ADAMTSL1: variants seen among roughly 807,000 people sequenced by gnomAD.
The protein encoded by ADAMTSL1 is ADAMTS like 1, also known as ADAMTS-like protein 1.
ADAMTSL1 carries 126 observed loss-of-function variants against 201.8 expected under a neutral mutation model. The ratio of observed to expected loss-of-function variants is 0.62; its 90% confidence interval spans 0.54 to 0.72. ADAMTSL1 has a LOEUF of 0.72. ADAMTSL1 is among the 30% of genes least tolerant of loss of function. ADAMTSL1 has a pLI of 0.00. For missense variants in ADAMTSL1, 2,679 were observed against 2,277.8 expected (o/e 1.18, Z -3.59); for synonymous variants, 1,121 against 903.4 (o/e 1.24, Z -4.32).
chr9:18,491,618 C>T (rs193238980), intron 1 of ADAMTSL1, among the ~76,000 whole-genome samples: 38 of 152,252 alleles, frequency 2.5e-4, no homozygotes, highest in Admixed American at 2.0e-3. Flanking sequence ...GCAGATGGCT[C>T]CTTAACATGA....
At chr9:18,114,378 T>C (rs1825161364) in intron 1 of ADAMTSL1, among the ~76,000 whole-genome samples, 1 of 152,172 alleles carries the variant, frequency 6.6e-6, no homozygotes, top group Admixed American at 6.6e-5. Flanking sequence ...GAGTTTGTGC[T>C]GCATATACCA....
intron 9 of ADAMTSL1, among the ~76,000 whole-genome samples, chr9:18,671,748 C>A (rs1056766240): frequency 1.3e-5 from 2 of 151,862 alleles, no homozygotes. Flanking sequence ...GGTTCATTTT[C>A]ATTATAAAAA....
In ADAMTSL1 at chr9:18,418,452, G is replaced by T. The variant is rs149759253; in HGVS notation, c.208-86377G>T. Among the ~76,000 whole-genome samples, 599 of 152,262 alleles carry T rather than the reference G, an allele frequency of 3.9e-3. 2 individuals are homozygous for T. Among genetic ancestry groups the T allele is most frequent in the Middle Eastern group, 0.02 (6 of 294 alleles). On this transcript the variant is annotated intron_variant, in intron 2 of 29. Transcript: ENST00000680146. ...ATTTGCATAATACACAGTTTTGATT[G>T]TCTATGTAGAACATCCCAAGGAATC...
intron 2 of ADAMTSL1, among the ~76,000 whole-genome samples, chr9:18,344,818 A>T (rs924943190): frequency 6.6e-6 from 1 of 152,132 alleles, no homozygotes; most frequent in African/African-American, 2.4e-5. Flanking sequence ...ACATGCTTGA[A>T]AACTAACATT....
intron 4 of ADAMTSL1, among the ~76,000 whole-genome samples, chr9:18,576,355 G>C (rs1353913451): frequency 6.6e-6 from 1 of 152,182 alleles, no homozygotes; most frequent in Non-Finnish European, 1.5e-5. Context: ...GTTTGGGAGA[G>C]AAACATGGAG....
chr9:18,488,721 C>T (rs980823948), intron 1 of ADAMTSL1, among the ~76,000 whole-genome samples: 1 of 152,178 alleles, frequency 6.6e-6, no homozygotes, highest in African/African-American at 2.4e-5. Context: ...AATTATTACT[C>T]TCTCCCTGCA....
intron 2 of ADAMTSL1, among the ~76,000 whole-genome samples, chr9:18,410,608 C>G (rs1187444126): frequency 6.6e-6 from 1 of 152,120 alleles, no homozygotes; most frequent in Non-Finnish European, 1.5e-5. Context: ...ACCACATTTT[C>G]TTTATTCTAT....
At position 17,962,045 on chromosome 9, in the gene ADAMTSL1, G is replaced by GAA. The variant is rs949545608; in HGVS notation, c.87+55128_87+55129dup. Among the ~76,000 whole-genome samples, 32 of 152,072 alleles carry GAA rather than the reference G, an allele frequency of 2.1e-4. 1 individual carries two copies. The highest frequency in any genetic ancestry group is 7.7e-4 in the African/African-American group (32 of 41,444). On this transcript the variant is annotated intron_variant, in intron 1 of 29. Coordinates refer to the ADAMTSL1 transcript ENST00000680146. ...ATCTTTACTATCGAGATGAGAAAAA[G>GAA]AAAAAAGAGTTGCTTAGAGGTTGAA...
intron 2 of ADAMTSL1, among the ~76,000 whole-genome samples, chr9:18,251,563 G>C (rs1265939688): frequency 6.6e-6 from 1 of 152,128 alleles, no homozygotes; most frequent in Admixed American, 6.5e-5. Context: ...TTTTCTATTA[G>C]AGTATCAATT....
chr9:18,099,326 A>AATATAT lies in ADAMTSL1; in HGVS notation c.88-64511_88-64506dup, dbSNP rs71333027. The stretch of plus-strand genomic sequence containing the variant: ...TGTTTTTGCTTTGCTGCAAATGGAA[A>AATATAT]ATATATATATATATATATATATATA... On this transcript the variant is annotated intron_variant, in intron 1 of 29. Transcript: ENST00000680146. 3.8e-4 allele frequency among the ~76,000 whole-genome samples: 22 copies of AATATAT among 57,584 alleles called. No individual in the cohort carries two copies. The East Asian group carries it at 6.1e-3, about 16-fold the overall frequency. The allele number at this position is 57,584 out of a possible 152,430, so 37.8% of individuals were successfully genotyped here. A position where few individuals can be genotyped will look rare whatever the true frequency, so the allele number is the denominator to read the frequency against.
chr9:18,507,811 T>C (rs1817776953), intron 2 of ADAMTSL1, among the ~76,000 whole-genome samples: 1 of 152,186 alleles, frequency 6.6e-6, no homozygotes, highest in Non-Finnish European at 1.5e-5. Context: ...GAACTCACCC[T>C]GGCAGGGGCC....
rs1026577159 is a variant in ADAMTSL1, at chr9:18,904,688, A to T, written c.4852-1094A>T. ...AAAAAAAAAAGGTCCGTTTATGTGT[A>T]TTTTACGATTTAAAAAAAATCCCAG... is the stretch of plus-strand genomic sequence containing the variant. On this transcript the variant is annotated intron_variant, in intron 26 of 28. Coordinates refer to ENST00000380548, the MANE Select transcript of ADAMTSL1 (RefSeq NM_001040272.6). Among the ~76,000 whole-genome samples, 6 of 90,664 alleles carry T rather than the reference A, an allele frequency of 6.6e-5. 1 individual carries two copies. The highest frequency in any genetic ancestry group is 1.2e-4 in the African/African-American group (3 of 25,842). The allele number at this position is 90,664 out of a possible 152,430, so 59.5% of individuals were successfully genotyped here.
intron 15 of ADAMTSL1, among the ~76,000 whole-genome samples, chr9:18,743,724 T>A (rs1482326921): frequency 6.6e-6 from 1 of 152,212 alleles, no homozygotes; most frequent in Non-Finnish European, 1.5e-5. Flanking sequence ...CATGGTGTGA[T>A]TTATCATACA....
intron 2 of ADAMTSL1, among the ~76,000 whole-genome samples, chr9:18,198,957 C>T (rs1328588959): frequency 4.2e-5 from 6 of 141,622 alleles, no homozygotes; most frequent in Admixed American, 7.5e-5. Flanking sequence ...ATGTCCTTTG[C>T]AGGGACATGG....
intron 15 of ADAMTSL1, among the ~76,000 whole-genome samples, chr9:18,749,480 T>G (rs10756986): frequency 1.2e-3 from 188 of 151,934 alleles, no homozygotes; most frequent in African/African-American, 4.4e-3. Context: ...CTAGACCAGA[T>G]CCCCTGTCCT....
chr9:18,373,621 CGG>C (rs1837152108), intron 2 of ADAMTSL1, among the ~76,000 whole-genome samples: 1 of 147,870 alleles, frequency 6.8e-6, no homozygotes, highest in African/African-American at 2.5e-5. Flanking sequence ...CTAAACCCAA[CGG>C]AGATTTTGGA....
intron 1 of ADAMTSL1, among the ~76,000 whole-genome samples, chr9:18,008,740 T>C (rs62553119): frequency 6.6e-6 from 1 of 151,826 alleles, no homozygotes; most frequent in African/African-American, 2.4e-5. Flanking sequence ...TGCTTAGAAC[T>C]CATGGCCATC....
intron 2 of ADAMTSL1, among the ~76,000 whole-genome samples, chr9:18,226,157 G>A (rs1376509663): frequency 6.6e-6 from 1 of 152,102 alleles, no homozygotes; most frequent in Non-Finnish European, 1.5e-5. Flanking sequence ...TTGAGGTAAT[G>A]TAATTAATTG....
chr9:17,920,192 C>A (rs1007105559), intron 1 of ADAMTSL1, among the ~76,000 whole-genome samples: 5 of 152,150 alleles, frequency 3.3e-5, no homozygotes, highest in African/African-American at 1.2e-4. Flanking sequence ...CTACTGAATA[C>A]CTGTCACATG....
Sources: allele counts gnomAD v4.1 joint callset (sites outside exome capture counted in the v4.1 genomes callset), GRCh38; gene constraint gnomAD v4.1.1; transcripts MANE v1.5; gene names NCBI Gene and HGNC (gene_info 2026-07-23, HGNC 2026-07-21).